Variants in KCNT2 observed in about 807,000 individuals in gnomAD.
KCNT2 encodes the protein potassium channel subfamily T member 2.
KCNT2 carries 67 observed loss-of-function variants against 153.8 expected under a neutral mutation model. The ratio of observed to expected loss-of-function variants is 0.44; its 90% CI spans 0.36 to 0.53. The LOEUF (loss-of-function observed/expected upper bound fraction) is 0.53, where lower values mean the gene tolerates loss of function less well. Among genes scored for constraint, KCNT2 ranks in the 20% least tolerant of loss-of-function variants. The pLI is 0.00. For missense variants in KCNT2, 975 were observed against 1,354.8 expected (o/e 0.72, Z 4.40); for synonymous variants, 500 against 458.8 (o/e 1.09, Z -1.15).
At chr1:196,262,271 T>C (rs1042415832) in intron 25 of KCNT2, among the ~76,000 whole-genome samples, 9 of 151,980 alleles carry the variant, frequency 5.9e-5, no homozygotes, top group African/African-American at 1.9e-4. Flanking sequence ...TCATAGGTTA[T>C]TGAGCAATCT....
intron 1 of KCNT2, among the ~76,000 whole-genome samples, chr1:196,582,831 G>T (rs1662227066): frequency 1.3e-5 from 2 of 151,850 alleles, no homozygotes; most frequent in African/African-American, 2.4e-5. Flanking sequence ...GTACAATAAA[G>T]GTTTGAAAAG....
intron 1 of KCNT2, among the ~76,000 whole-genome samples, chr1:196,577,256 A>G (rs1661478828): frequency 6.6e-6 from 1 of 152,154 alleles, no homozygotes; most frequent in African/African-American, 2.4e-5. Context: ...ACGCACACAC[A>G]AAAATATTTT....
chr1:196,500,422 C>G (rs1366321001), intron 1 of KCNT2, among the ~76,000 whole-genome samples: 24 of 152,148 alleles, frequency 1.6e-4, no homozygotes, highest in Non-Finnish European at 1.5e-5. Context: ...TCTTTCTATT[C>G]TTTTTCTTGC....
chr1:196,411,598 ATTAAGT>A (rs1558258302), intron 12 of KCNT2, among the ~76,000 whole-genome samples: 2 of 151,532 alleles, frequency 1.3e-5, no homozygotes, highest in African/African-American at 4.8e-5. Flanking sequence ...CACCTCCTTG[ATTAAGT>A]TTAATTCTAA....
At chr1:196,320,769 C>T (rs981887336) in intron 19 of KCNT2, among the ~76,000 whole-genome samples, 26 of 151,160 alleles carry the variant, frequency 1.7e-4, no homozygotes, top group African/African-American at 6.3e-4. Context: ...TAAATTTCTC[C>T]TATCATTAAT....
chr1:196,330,244 C>A (rs534597075), intron 18 of KCNT2, among the ~76,000 whole-genome samples: 1 of 151,448 alleles, frequency 6.6e-6, no homozygotes, highest in Admixed American at 6.6e-5. Flanking sequence ...AAAATAATAG[C>A]AAGAATATAT....
intron 8 of KCNT2, among the ~76,000 whole-genome samples, chr1:196,432,567 T>C (rs1437374608): frequency 6.6e-6 from 1 of 152,156 alleles, no homozygotes; most frequent in South Asian, 2.1e-4. Flanking sequence ...CAGGATTTAA[T>C]GTTTTTTCCT....
At chr1:196,522,506 T>G (rs1007887045) in intron 1 of KCNT2, among the ~76,000 whole-genome samples, 2 of 152,206 alleles carry the variant, frequency 1.3e-5, no homozygotes, top group African/African-American at 4.8e-5. Context: ...CTGAACTGTT[T>G]TATTCATTGG....
At chr1:196,461,223 A>G (rs1677123117) in intron 8 of KCNT2, among the ~76,000 whole-genome samples, 1 of 151,698 alleles carries the variant, frequency 6.6e-6, no homozygotes, top group Non-Finnish European at 1.5e-5. Context: ...ATAGGTTTTA[A>G]TCGATGCATA....
intron 8 of KCNT2, among the ~76,000 whole-genome samples, chr1:196,436,421 A>C (rs1183038449): frequency 6.6e-6 from 1 of 151,608 alleles, no homozygotes; most frequent in Non-Finnish European, 1.5e-5. Context: ...CCTATATGTT[A>C]TATAAGAATT....
At chr1:196,548,990 C>T (rs996933618) in intron 1 of KCNT2, among the ~76,000 whole-genome samples, 2 of 150,138 alleles carry the variant, frequency 1.3e-5, no homozygotes, top group Admixed American at 6.7e-5. Flanking sequence ...GAACATCACA[C>T]TCTGGGGACT....
At chr1:196,524,790 C>T (rs975937285) in intron 1 of KCNT2, among the ~76,000 whole-genome samples, 1 of 152,048 alleles carries the variant, frequency 6.6e-6, no homozygotes, top group Non-Finnish European at 1.5e-5. Context: ...ATCAAATTTT[C>T]ATTTTACTTC....
intron 13 of KCNT2, among the ~76,000 whole-genome samples, chr1:196,396,589 T>C (rs2148431992): frequency 6.6e-6 from 1 of 151,648 alleles, no homozygotes; most frequent in East Asian, 2.0e-4. Context: ...CAAACTCTTT[T>C]TGTGGCATTT....
At chr1:196,308,215 G>A (rs750778753) in intron 21 of KCNT2, among the ~76,000 whole-genome samples, 3 of 151,746 alleles carry the variant, frequency 2.0e-5, no homozygotes, top group Non-Finnish European at 4.4e-5. Flanking sequence ...TATAAAGCAC[G>A]GCTCTAAGAG....
At chr1:196,317,873 A>G (rs1662881566) in intron 20 of KCNT2, among the ~76,000 whole-genome samples, 1 of 151,770 alleles carries the variant, frequency 6.6e-6, no homozygotes, top group African/African-American at 2.4e-5. Flanking sequence ...ATCGTTACAT[A>G]TCAATTTAAA....
At position 196,468,079 on chromosome 1, in the gene KCNT2, G is replaced by T. The variant is rs185210507; in HGVS notation, c.460-293C>A. Among the ~76,000 whole-genome samples the T allele has an allele frequency of 4.6e-3, 702 of 152,160 alleles. 17 individuals carry two copies. In the South Asian group the frequency reaches 0.071, roughly 15 times the overall value. ...ATTGAATCTTTTAGTGTGATGGTTTGTAATAGACATTGACTTCCTTTTCTC... is the reference window on the plus strand; with the variant it reads ...ATTGAATCTTTTAGTGTGATGGTTTTTAATAGACATTGACTTCCTTTTCTC... On this transcript the variant is annotated intron_variant, in intron 6 of 27. Coordinates refer to ENST00000294725, the MANE Select transcript of KCNT2 (RefSeq NM_198503.5).
rs944130840 is a variant in KCNT2 at position 196,273,390 on chromosome 1, A to C, written c.2910+7470T>G. On this transcript the variant is annotated intron_variant, in intron 25 of 27. Coordinates refer to ENST00000294725, the MANE Select transcript of KCNT2 (RefSeq NM_198503.5). Reference sequence around the variant, plus strand: ...TGTCTGAGTATTAAATTCAATATTTAATATTATTTTTCTTTAATAGCTCTG... The same window carrying C: ...TGTCTGAGTATTAAATTCAATATTTCATATTATTTTTCTTTAATAGCTCTG... 31 of 888,110 alleles carry C rather than the reference A, an allele frequency of 3.5e-5. 1 individual carries two copies. The African/African-American group carries it at 4.9e-4, about 14-fold the overall frequency. 55.0% of individuals were successfully genotyped at this position (888,110 alleles called of 1,614,324 possible).
At chr1:196,606,904 T>G (rs910033758) in intron 1 of KCNT2, among the ~76,000 whole-genome samples, 1 of 152,174 alleles carries the variant, frequency 6.6e-6, no homozygotes, top group African/African-American at 2.4e-5. Context: ...TTCTTTATCT[T>G]CAGTTTACCC....
chr1:196,349,955 G>A (rs75828878), intron 14 of KCNT2, among the ~76,000 whole-genome samples: 3,063 of 152,024 alleles, frequency 0.02, 85 homozygotes, highest in African/African-American at 0.07. Flanking sequence ...AGAACGTGTG[G>A]TATTTGGTTT....
Sources: gnomAD v4.1 joint callset for allele counts (sites outside exome capture counted in the v4.1 genomes callset) on GRCh38, gnomAD v4.1.1 for gene constraint, MANE v1.5 for transcripts, NCBI Gene and HGNC (gene_info 2026-07-23, HGNC 2026-07-21) for gene names.